HNF4G: variants seen among roughly 807,000 people sequenced by gnomAD.
HNF4G encodes hepatocyte nuclear factor 4 gamma, also known as hepatocyte nuclear factor 4-gamma.
Under a neutral mutation model 50.9 loss-of-function variants are expected in HNF4G, and 21 were observed. That is an observed-to-expected ratio of 0.41 (90% confidence interval 0.29 to 0.59). The LOEUF (loss-of-function observed/expected upper bound fraction) is 0.59, where lower values mean the gene tolerates loss of function less well. Among genes scored for constraint, HNF4G ranks in the 20% least tolerant of loss-of-function variants. The pLI is 0.26. For missense variants in HNF4G, 527 were observed against 559.4 expected (o/e 0.94, Z 0.58); for synonymous variants, 198 against 185.6 (o/e 1.07, Z -0.54).
chr8:75,458,013 T>C (rs879484082), intron 1 of HNF4G, among the ~76,000 whole-genome samples: 1 of 152,116 alleles, frequency 6.6e-6, no homozygotes, highest in Non-Finnish European at 1.5e-5. Context: ...TCTCACTATA[T>C]TGCCCAGGCT....
rs542790789 is a variant in HNF4G at position 75,522,604 on chromosome 8, C to T, written c.-23-21207C>T. The stretch of plus-strand genomic sequence containing the variant: ...TGTGGACAGCTCCTCCATCATTTTA[C>T]GATGTTTGCAGCATTCTTGGCCTGT... On this transcript the variant is annotated intron_variant, in intron 2 of 10. Coordinates refer to the HNF4G transcript ENST00000354370. Among the ~76,000 whole-genome samples, 10 of 152,246 alleles carry T rather than the reference C, an allele frequency of 6.6e-5. No individual in the cohort carries two copies. The South Asian group carries it at 1.9e-3, about 28-fold the overall frequency.
In HNF4G at chr8:75,452,486, G is replaced by A. The variant is rs1004488796; in HGVS notation, c.-143-37603G>A. On this transcript the variant is annotated intron_variant, in intron 1 of 10. Transcript: ENST00000354370. ...TGTAATCACAGCACTTTGGGAGCCC[G>A]AAGCGGGGGGATCATGAGGTCAGGA... 7.9e-5 allele frequency among the ~76,000 whole-genome samples: 12 copies of A among 152,234 alleles called. No homozygotes were observed. The South Asian group carries it at 2.3e-3, about 29-fold the overall frequency.
chr8:75,558,791 C>T lies in HNF4G; in HGVS notation c.887-10C>T, dbSNP rs769393362. On this transcript the variant is annotated splice_polypyrimidine_tract_variant and intron_variant, in intron 7 of 9. Transcript: ENST00000396423. ...AAATCTGTACACTGCCTCTCTTATT[C>T]CTTTGTTAGATGCAAAAGGGCTAAG... is the stretch of plus-strand genomic sequence containing the variant. The T allele has an allele frequency of 1.7e-5, 27 of 1,608,954 alleles. No individual in the cohort carries two copies. Among genetic ancestry groups the T allele is most frequent in the Non-Finnish European group, 2.3e-5 (27 of 1,175,496 alleles).
intron 2 of HNF4G, among the ~76,000 whole-genome samples, chr8:75,523,389 C>T (rs542884703): frequency 6.6e-6 from 1 of 152,286 alleles, no homozygotes; most frequent in African/African-American, 2.4e-5. Flanking sequence ...CACAGGCTCT[C>T]TAATTGGCAT....
At chr8:75,461,956 T>A (rs1407056781) in intron 1 of HNF4G, among the ~76,000 whole-genome samples, 1 of 149,628 alleles carries the variant, frequency 6.7e-6, no homozygotes, top group Non-Finnish European at 1.5e-5. Context: ...TTGCTCTTGT[T>A]GCCCAGGCTG....
Position 75,444,933 on chromosome 8 carries a change from T to G in HNF4G, c.-144+36771T>G, listed in dbSNP as rs1361798437. 4.2e-5 allele frequency among the ~76,000 whole-genome samples: 6 copies of G among 142,046 alleles called. No homozygotes were observed. The East Asian group carries it at 1.2e-3, about 29-fold the overall frequency. The allele number at this position is 142,046 out of a possible 152,430, so 93.2% of individuals were successfully genotyped here. On this transcript the variant is annotated intron_variant, in intron 1 of 10. Coordinates refer to the HNF4G transcript ENST00000354370. ...TCAGCTCTGCACCAAGCGGACCTAA[T>G]AGACATCTACAGAACTCTGCACCCC...
At chr8:75,437,196 GA>G (rs1487475527) in intron 1 of HNF4G, among the ~76,000 whole-genome samples, 1 of 152,074 alleles carries the variant, frequency 6.6e-6, no homozygotes, top group Non-Finnish European at 1.5e-5. Context: ...ACTACAAAAA[GA>G]AAACCAAAAG....
chr8:75,512,741 GGTGTGA>G (rs1805792094), intron 2 of HNF4G, among the ~76,000 whole-genome samples: 1 of 152,052 alleles, frequency 6.6e-6, no homozygotes, highest in Non-Finnish European at 1.5e-5. Context: ...TGGGATTACA[GGTGTGA>G]GCCACCGCGC....
intron 2 of HNF4G, among the ~76,000 whole-genome samples, chr8:75,508,599 T>A (rs1322546170): frequency 6.6e-6 from 1 of 152,192 alleles, no homozygotes; most frequent in Non-Finnish European, 1.5e-5. Flanking sequence ...AAAGAACTAC[T>A]TTTCAAAGAG....
At chr8:75,460,641 T>C (rs747620713) in intron 1 of HNF4G, among the ~76,000 whole-genome samples, 6 of 152,162 alleles carry the variant, frequency 3.9e-5, no homozygotes, top group Non-Finnish European at 5.9e-5. Flanking sequence ...AGAGAACTTA[T>C]CAGTATTTAC....
chr8:75,551,352 G>A (rs1484537271), intron 3 of HNF4G, 36 bp from the exon 4 acceptor site: 1 of 1,178,016 alleles, frequency 8.5e-7, no homozygotes, highest in Non-Finnish European at 1.3e-6. Context: ...ACACTAAAGA[G>A]AAGTGCTCAA....
At chr8:75,478,359 A>G (rs550905564) in intron 1 of HNF4G, among the ~76,000 whole-genome samples, 48 of 152,354 alleles carry the variant, frequency 3.2e-4, no homozygotes, top group Non-Finnish European at 6.0e-4. Context: ...GGAATTCTGC[A>G]TATTAGAATT....
At chr8:75,471,182 C>T (rs902774778) in intron 1 of HNF4G, among the ~76,000 whole-genome samples, 3 of 152,148 alleles carry the variant, frequency 2.0e-5, no homozygotes, top group Non-Finnish European at 4.4e-5. Flanking sequence ...TACTGACTTT[C>T]ATTCATTTGA....
intron 1 of HNF4G, among the ~76,000 whole-genome samples, chr8:75,483,916 A>G (rs1209610573): frequency 6.6e-6 from 1 of 152,200 alleles, no homozygotes; most frequent in Non-Finnish European, 1.5e-5. Flanking sequence ...CTGACCTTTT[A>G]GTACAGTTTG....
At chr8:75,494,076 A>T (rs1212535641) in intron 2 of HNF4G, among the ~76,000 whole-genome samples, 1 of 152,194 alleles carries the variant, frequency 6.6e-6, no homozygotes, top group African/African-American at 2.4e-5. Flanking sequence ...TTATAAACTT[A>T]CAGTTCATTC....
At chr8:75,470,547 G>A (rs1812090537) in intron 1 of HNF4G, among the ~76,000 whole-genome samples, 2 of 152,144 alleles carry the variant, frequency 1.3e-5, no homozygotes, top group South Asian at 2.1e-4. Flanking sequence ...TGGCAAATAG[G>A]ACACATTTAA....
chr8:75,494,693 A>C (rs926605597), intron 2 of HNF4G, among the ~76,000 whole-genome samples: 3 of 151,942 alleles, frequency 2.0e-5, no homozygotes, highest in East Asian at 3.8e-4. Context: ...TTTTTTTTTG[A>C]ATGAATGAAT....
chr8:75,442,014 A>G (rs1328819802), intron 1 of HNF4G, among the ~76,000 whole-genome samples: 1 of 152,246 alleles, frequency 6.6e-6, no homozygotes, highest in Non-Finnish European at 1.5e-5. Flanking sequence ...AACATAGATG[A>G]ATCTTATAAA....
At chr8:75,492,300 GT>G (rs1812649595) in intron 2 of HNF4G, among the ~76,000 whole-genome samples, 1 of 152,054 alleles carries the variant, frequency 6.6e-6, no homozygotes, top group Admixed American at 6.5e-5. Context: ...ATTACCCTAA[GT>G]AGTGTCTGAG....
Sources: allele counts gnomAD v4.1 joint callset (sites outside exome capture counted in the v4.1 genomes callset), GRCh38; gene constraint gnomAD v4.1.1; transcripts MANE v1.5; gene names NCBI Gene and HGNC (gene_info 2026-07-23, HGNC 2026-07-21).